Variants in SUPT3H observed in about 807,000 individuals in gnomAD.
SUPT3H encodes SPT3 homolog, SAGA and STAGA complex component.
In SUPT3H, 44 loss-of-function variants were observed where a neutral mutation model predicts 44.3. That is an observed-to-expected ratio of 0.99 (90% confidence interval 0.78 to 1.28). The LOEUF (loss-of-function observed/expected upper bound fraction) is 1.28, where lower values mean the gene tolerates loss of function less well. Ranked by LOEUF, SUPT3H falls within the 50% of genes most tolerant of loss-of-function variation. SUPT3H has a pLI of 0.00. For synonymous variants in SUPT3H, 124 were observed against 125.6 expected (o/e 0.99, Z 0.09); for missense variants, 380 against 387.1 (o/e 0.98, Z 0.15).
chr6:45,076,565 C>G (rs1203680574), intron 3 of SUPT3H, among the ~76,000 whole-genome samples: 1 of 151,502 alleles, frequency 6.6e-6, no homozygotes, highest in Non-Finnish European at 1.5e-5. Context: ...CTCTTCCAAA[C>G]TTTAGTCAAT....
chr6:45,316,210 A>C (rs1248693197), intron 2 of SUPT3H, among the ~76,000 whole-genome samples: 1 of 152,128 alleles, frequency 6.6e-6, no homozygotes, highest in Non-Finnish European at 1.5e-5. Flanking sequence ...AAAAGACAAC[A>C]AATATGGTGC....
intron 1 of SUPT3H, among the ~76,000 whole-genome samples, chr6:45,369,236 T>C (rs1795642693): frequency 6.6e-6 from 1 of 152,086 alleles, no homozygotes; most frequent in Admixed American, 6.6e-5. Flanking sequence ...AACCATTCCA[T>C]GTTCTTTTGA....
intron 2 of SUPT3H, among the ~76,000 whole-genome samples, chr6:45,357,725 A>G (rs1420621493): frequency 2.6e-5 from 4 of 152,202 alleles, no homozygotes; most frequent in Admixed American, 2.6e-4. Flanking sequence ...AGAATACTAC[A>G]TAACATTGCT....
chr6:45,018,558 G>A (rs920351787), intron 4 of SUPT3H, among the ~76,000 whole-genome samples: 2 of 152,084 alleles, frequency 1.3e-5, no homozygotes, highest in East Asian at 1.9e-4. Context: ...TAGCATGAAG[G>A]GTTGTTGAAT....
At chr6:45,263,836 C>T (rs1774807271) in intron 2 of SUPT3H, among the ~76,000 whole-genome samples, 1 of 152,108 alleles carries the variant, frequency 6.6e-6, no homozygotes, top group South Asian at 2.1e-4. Context: ...CACACAAAGG[C>T]ACCTTGGTGA....
chr6:44,960,102 A>T (rs1319678769), intron 7 of SUPT3H, among the ~76,000 whole-genome samples: 1 of 152,204 alleles, frequency 6.6e-6, no homozygotes, highest in Non-Finnish European at 1.5e-5. Flanking sequence ...TAGTTATTTT[A>T]TACAGAAAGG....
chr6:45,245,598 C>T (rs113398258), intron 2 of SUPT3H, among the ~76,000 whole-genome samples: 39 of 152,190 alleles, frequency 2.6e-4, no homozygotes, highest in African/African-American at 8.2e-4. Flanking sequence ...TTATCCATGA[C>T]GCAAGAAGTT....
Position 44,956,189 on chromosome 6 carries a change from A to T in SUPT3H, c.581-1582T>A, listed in dbSNP as rs532541363. Among the ~76,000 whole-genome samples the T allele has an allele frequency of 2.4e-4, 36 of 147,838 alleles. No homozygotes were observed. The East Asian group carries it at 4.2e-3, about 17-fold the overall frequency. ...AAAAACCTACTAAATAAATACGTTT[A>T]AAAAAAGTGTCTAGGTCGGGCGCGG... is the stretch of plus-strand genomic sequence containing the variant. On this transcript the variant is annotated intron_variant, in intron 7 of 10. Transcript: ENST00000371459.
intron 6 of SUPT3H, among the ~76,000 whole-genome samples, chr6:44,991,454 C>T (rs1030516255): frequency 2.0e-5 from 3 of 151,972 alleles, no homozygotes; most frequent in Non-Finnish European, 4.4e-5. Context: ...AACGGATATG[C>T]TAATACAATA....
At chr6:45,270,893 G>A (rs1033803050) in intron 2 of SUPT3H, among the ~76,000 whole-genome samples, 1 of 152,228 alleles carries the variant, frequency 6.6e-6, no homozygotes, top group African/African-American at 2.4e-5. Flanking sequence ...GGCTGAAGTG[G>A]TCTCAGATGG....
intron 9 of SUPT3H, among the ~76,000 whole-genome samples, chr6:44,948,268 A>G (rs1027683119): frequency 1.3e-5 from 2 of 152,182 alleles, no homozygotes; most frequent in African/African-American, 4.8e-5. Flanking sequence ...TAAATATTAG[A>G]CCTAAAACCA....
At chr6:45,094,407 T>C (rs2153564892) in intron 3 of SUPT3H, among the ~76,000 whole-genome samples, 1 of 152,250 alleles carries the variant, frequency 6.6e-6, no homozygotes, top group South Asian at 2.1e-4. Flanking sequence ...TACTTGTAAT[T>C]TACTGGAAGT....
chr6:45,340,246 A>T (rs1789472464), intron 2 of SUPT3H, among the ~76,000 whole-genome samples: 2 of 152,178 alleles, frequency 1.3e-5, no homozygotes, highest in African/African-American at 4.8e-5. Flanking sequence ...TATCTTTAAG[A>T]AATACTAATC....
intron 11 of SUPT3H, among the ~76,000 whole-genome samples, chr6:44,816,108 C>T (rs1766892243): frequency 6.6e-6 from 1 of 152,086 alleles, no homozygotes; most frequent in Non-Finnish European, 1.5e-5. Context: ...CGAATCAACA[C>T]ATTTCTAAAT....
At chr6:44,924,430 A>T (rs1053327083) in intron 10 of SUPT3H, among the ~76,000 whole-genome samples, 2 of 152,150 alleles carry the variant, frequency 1.3e-5, no homozygotes, top group African/African-American at 4.8e-5. Flanking sequence ...CCTTACACAA[A>T]TACAGACTTA....
chr6:45,022,415 G>GTTTTTTTTTTTTTTTT (rs3053670), intron 3 of SUPT3H, among the ~76,000 whole-genome samples: 1 of 141,562 alleles, frequency 7.1e-6, no homozygotes, highest in Non-Finnish European at 1.5e-5. Context: ...TGGAATCACT[G>GTTTTTTTTTTTTTTTT]TTTTTTTTTT....
At chr6:45,072,941 A>G (rs1350581106) in intron 3 of SUPT3H, among the ~76,000 whole-genome samples, 1 of 152,132 alleles carries the variant, frequency 6.6e-6, no homozygotes, top group East Asian at 1.9e-4. Context: ...TTAAAAAAAA[A>G]GTACATCTTA....
In SUPT3H at chr6:44,829,809, T is replaced by G. The variant is rs1160256284; in HGVS notation, c.*7A>C. 1 of 1,612,866 alleles carries G rather than the reference T, an allele frequency of 6.2e-7. No individual in the cohort carries two copies. Among genetic ancestry groups the G allele is most frequent in the Admixed American group, 1.7e-5 (1 of 59,950 alleles). On this transcript the variant is annotated 3_prime_UTR_variant, in exon 11 of 11. Transcript: ENST00000371459. ...CCTGTTGTTGCAGGCACATCACAGT[T>G]GTCACATCAGCAGGCTAGAAAAGCC...
At chr6:45,079,875 G>C (rs574700728) in intron 3 of SUPT3H, among the ~76,000 whole-genome samples, 7 of 152,260 alleles carry the variant, frequency 4.6e-5, no homozygotes, top group African/African-American at 1.7e-4. Flanking sequence ...ATACTCTATA[G>C]GGCATTGGAC....
Sources: gnomAD v4.1 joint callset for allele counts (sites outside exome capture counted in the v4.1 genomes callset) on GRCh38, gnomAD v4.1.1 for gene constraint, MANE v1.5 for transcripts, NCBI Gene and HGNC (gene_info 2026-07-23, HGNC 2026-07-21) for gene names.